MEGF10: variants seen among roughly 807,000 people sequenced by gnomAD.
The protein encoded by MEGF10 is multiple epidermal growth factor-like domains protein 10.
Under a neutral mutation model 147.5 loss-of-function variants are expected in MEGF10, and 86 were observed. The ratio of observed to expected loss-of-function variants is 0.58; its 90% CI spans 0.49 to 0.70. MEGF10 has a LOEUF of 0.70. MEGF10 is among the 30% of genes least tolerant of loss of function. The pLI is 0.00. For synonymous variants in MEGF10, 478 were observed against 525.5 expected (o/e 0.91, Z 1.24); for missense variants, 1,329 against 1,487.3 (o/e 0.89, Z 1.75).
Position 127,337,844 on chromosome 5 carries a change from A to G in MEGF10, c.117-1276A>G, listed in dbSNP as rs76389087. 6.4e-3 allele frequency among the ~76,000 whole-genome samples: 975 copies of G among 152,260 alleles called. 12 individuals are homozygous for G. Among genetic ancestry groups the G allele is most frequent in the African/African-American group, 0.023 (938 of 41,580 alleles). On this transcript the variant is annotated intron_variant, in intron 2 of 24. Coordinates refer to ENST00000503335, the MANE Select transcript of MEGF10 (RefSeq NM_001256545.2). Reference sequence around the variant, plus strand: ...TCTCCCAGTTTCTCAGTGTCAGTACAGAATTATAACCTTCTAATCCAGTGC... The same window carrying G: ...TCTCCCAGTTTCTCAGTGTCAGTACGGAATTATAACCTTCTAATCCAGTGC...
intron 21 of MEGF10, 34 bp from the exon 22 acceptor site, chr5:127,449,065 G>C: frequency 6.2e-7 from 1 of 1,612,944 alleles, no homozygotes; most frequent in South Asian, 1.1e-5. Flanking sequence ...ATTGTATTTT[G>C]TTTTTAATCT....
chr5:127,256,923 A>G, the MEGF10 span, among the ~76,000 whole-genome samples: 1 of 152,180 alleles, frequency 6.6e-6, no homozygotes, highest in Non-Finnish European at 1.5e-5. Flanking sequence ...TGATTGCCCT[A>G]ATCCCATGAG....
In MEGF10 at chr5:127,457,311, G is replaced by A. The variant is rs1424712425; in HGVS notation, c.3416G>A (p.Ser1139Asn). 1 of 1,612,830 alleles carries A rather than the reference G, an allele frequency of 6.2e-7. No individual in the cohort carries two copies. The highest frequency in any genetic ancestry group is 1.3e-5 in the African/African-American group (1 of 74,936). The change falls in exon 25 of 25, where the codon AGT becomes AAT. Residue 1139 changes from serine to asparagine, a missense_variant. Ser to Asn is a conservative substitution (Grantham distance 46). Coordinates refer to ENST00000503335, the MANE Select transcript of MEGF10 (RefSeq NM_001256545.2). ...GGSSSNSSSS[S>N]E Reference sequence around the variant, plus strand: ...AGCAGCAGCAACAGCAGCAGCAGCAGTGAATGACACCAAAGGACCGCTTGG... The same window carrying A: ...AGCAGCAGCAACAGCAGCAGCAGCAATGAATGACACCAAAGGACCGCTTGG...
At chr5:127,401,499 T>C (rs142638618) in intron 7 of MEGF10, among the ~76,000 whole-genome samples, 68 of 152,264 alleles carry the variant, frequency 4.5e-4, no homozygotes, top group African/African-American at 1.6e-3. Context: ...AGGAAGTGTA[T>C]TTTCTTATGC....
chr5:127,435,167 T>C (rs1401554532), intron 15 of MEGF10, among the ~76,000 whole-genome samples, 194 bp from the exon 16 acceptor site: 1 of 152,236 alleles, frequency 6.6e-6, no homozygotes, highest in Non-Finnish European at 1.5e-5. Flanking sequence ...TGGTTTGTGA[T>C]GCCTTAATGC....
chr5:127,387,532 C>G (rs1763477161), intron 5 of MEGF10, among the ~76,000 whole-genome samples: 1 of 152,154 alleles, frequency 6.6e-6, no homozygotes. Flanking sequence ...CAGGCAGAAG[C>G]AGTTAATCTG....
intron 1 of MEGF10, among the ~76,000 whole-genome samples, chr5:127,307,341 G>T (rs928649607): frequency 6.6e-6 from 1 of 152,114 alleles, no homozygotes; most frequent in Non-Finnish European, 1.5e-5. Flanking sequence ...TGGGCTGTTG[G>T]GGTGCAGCTG....
the MEGF10 span, among the ~76,000 whole-genome samples, chr5:127,260,024 G>C: frequency 6.6e-6 from 1 of 152,048 alleles, no homozygotes; most frequent in African/African-American, 2.4e-5. Flanking sequence ...AGGCATGGTG[G>C]TGTGTGCCTA....
chr5:127,265,989 C>T, the MEGF10 span, among the ~76,000 whole-genome samples: 2 of 152,126 alleles, frequency 1.3e-5, no homozygotes, highest in African/African-American at 2.4e-5. Context: ...ACATGAAGTC[C>T]TTTCCCATGC....
At chr5:127,417,917 G>C in intron 10 of MEGF10, 105 bp downstream of exon 10, 1 of 1,155,654 alleles carries the variant, frequency 8.7e-7, no homozygotes, top group Non-Finnish European at 1.2e-6. Context: ...ATGTGCTAAA[G>C]TCATCCACAT....
chr5:127,362,792 T>C (rs1366706448), intron 4 of MEGF10, among the ~76,000 whole-genome samples: 1 of 152,234 alleles, frequency 6.6e-6, no homozygotes, highest in East Asian at 1.9e-4. Context: ...ATGGTTAATA[T>C]GATTATTGAT....
chr5:127,352,159 C>T (rs1762109555), intron 4 of MEGF10, among the ~76,000 whole-genome samples: 1 of 152,076 alleles, frequency 6.6e-6, no homozygotes, highest in Non-Finnish European at 1.5e-5. Flanking sequence ...ATCTTAGCCA[C>T]ATCTTAATGC....
At chr5:127,452,461 T>C (rs1766189601) in intron 22 of MEGF10, among the ~76,000 whole-genome samples, 1 of 152,172 alleles carries the variant, frequency 6.6e-6, no homozygotes, top group African/African-American at 2.4e-5. Flanking sequence ...CACCCTGACT[T>C]CTGACATCAG....
At chr5:127,433,274 C>G in intron 13 of MEGF10, 89 bp from the exon 14 acceptor site, 1 of 1,530,652 alleles carries the variant, frequency 6.5e-7, no homozygotes, top group Non-Finnish European at 9.0e-7. Context: ...AGGTTTAACA[C>G]TGTGAGCTTA....
At chr5:127,369,727 A>G (rs1762784250) in intron 4 of MEGF10, among the ~76,000 whole-genome samples, 183 bp from the exon 5 acceptor site, 1 of 152,248 alleles carries the variant, frequency 6.6e-6, no homozygotes. Context: ...ATACCAAAAT[A>G]AGAAGGGGAA....
At chr5:127,290,583 G>T (rs555418502), upstream of MEGF10, among the ~76,000 whole-genome samples, 218 of 152,324 alleles carry the variant, frequency 1.4e-3, 1 homozygote, top group African/African-American at 5.1e-3. Context: ...CCCACCAGGC[G>T]GTGGAAGCCG....
chr5:127,354,155 A>G (rs1240159493), intron 4 of MEGF10, among the ~76,000 whole-genome samples: 1 of 152,192 alleles, frequency 6.6e-6, no homozygotes, highest in Non-Finnish European at 1.5e-5. Flanking sequence ...GTTGGTGTCT[A>G]TATGAAAAAT....
the MEGF10 span, among the ~76,000 whole-genome samples, chr5:127,248,772 G>A: frequency 6.6e-6 from 1 of 151,340 alleles, no homozygotes; most frequent in Non-Finnish European, 1.5e-5. Context: ...AAAGGGAAAG[G>A]AGAATGAATC....
chr5:127,417,714 G>A lies in MEGF10; in HGVS notation c.1207G>A (p.Gly403Arg), dbSNP rs1431165906. ...CTACTGTAATGAGACATGTTCTCCTGGATTCTACGGGGAAGCTTGCCAGCA... is the reference window on the plus strand; with the variant it reads ...CTACTGTAATGAGACATGTTCTCCTAGATTCTACGGGGAAGCTTGCCAGCA... ...GLYCNETCSP[G>R]FYGEACQQIC... Residue 403 changes from glycine (G) to arginine (R), a missense_variant, in exon 10 of 25, where the codon GGA becomes AGA. This residue lies in a region of MEGF10 where 980 missense variants were observed against 1,085.9 expected (regional missense o/e 0.90). Coordinates refer to ENST00000503335, the MANE Select transcript of MEGF10 (RefSeq NM_001256545.2). 6.2e-7 allele frequency: 1 copy of A among 1,614,102 alleles called. No homozygotes were observed. Among genetic ancestry groups the A allele is most frequent in the Admixed American group, 1.7e-5 (1 of 60,000 alleles).
Sources: gnomAD v4.1 joint callset for allele counts (sites outside exome capture counted in the v4.1 genomes callset) on GRCh38, gnomAD v4.1.1 for gene constraint, gnomAD v4.1.1 regional missense constraint, MANE v1.5 for transcripts, NCBI Gene and HGNC (gene_info 2026-07-23, HGNC 2026-07-21) for gene names.